The following SNED1 variants were observed in gnomAD, a reference collection of about 807,000 sequenced individuals.
The protein encoded by SNED1 is sushi, nidogen and EGF like domains 1.
A neutral mutation model predicts 166.7 loss-of-function variants in SNED1; 81 were observed. The observed-to-expected ratio is 0.49, with a 90% CI of 0.41 to 0.58. SNED1 has a LOEUF of 0.58. Among genes scored for constraint, SNED1 ranks in the 20% least tolerant of loss-of-function variants. SNED1 has a pLI of 0.00. For synonymous variants in SNED1, 762 were observed against 822.0 expected, an observed-to-expected ratio of 0.93 and a Z score of 1.25; for missense variants, 1,604 against 2,000.2, an observed-to-expected ratio of 0.80 and a Z score of 3.78.
intron 31 of SNED1, 106 bp downstream of exon 31, chr2:241,088,508 T>G: frequency 1.1e-6 from 1 of 928,366 alleles, no homozygotes; most frequent in Non-Finnish European, 1.8e-6. Flanking sequence ...TACTCAGCAC[T>G]GCTAAAGGAA....
chr2:241,019,423 C>T (rs2060702442), intron 1 of SNED1, among the ~76,000 whole-genome samples: 2 of 152,210 alleles, frequency 1.3e-5, no homozygotes, highest in Admixed American at 6.5e-5. Flanking sequence ...ATAGCCAGGG[C>T]AGGCTAATTG....
At chr2:241,046,575 C>T (rs762912509) in intron 8 of SNED1, among the ~76,000 whole-genome samples, 3 of 152,132 alleles carry the variant, frequency 2.0e-5, no homozygotes, top group Non-Finnish European at 2.9e-5. Flanking sequence ...TATGGTTCCA[C>T]TAAATGGCAT....
chr2:241,050,246 T>C lies in SNED1; in HGVS notation c.1735+313T>C, dbSNP rs537471274. 4.6e-5 allele frequency among the ~76,000 whole-genome samples: 7 copies of C among 152,348 alleles called. No individual in the cohort carries two copies. In the East Asian group the frequency reaches 1.3e-3, roughly 29 times the overall value. On this transcript the variant is annotated intron_variant, in intron 12 of 31. Coordinates refer to ENST00000310397, the MANE Select transcript of SNED1 (RefSeq NM_001080437.3). ...TCAAATTTTATTTTTAAAATTTCCA[T>C]AGGATTTTGCTCAATCTAATTCAGC...
rs1003381294 is a variant in SNED1 at position 241,054,902 on chromosome 2, A to G, written c.2257+1576A>G. Among the ~76,000 whole-genome samples the G allele has an allele frequency of 1.2e-4, 18 of 152,312 alleles. No homozygotes were observed. The Middle Eastern group carries it at 0.014, about 115-fold the overall frequency. On this transcript the variant is annotated intron_variant, in intron 16 of 31. Transcript: ENST00000310397. The stretch of plus-strand genomic sequence containing the variant: ...GAGGCCGAGGCAGGTGGATCACCTG[A>G]GGTCAGGAGTTCGAGACCAGCCTGG...
chr2:241,087,644 C>T, intron 30 of SNED1, 169 bp downstream of exon 30: 2 of 1,426,882 alleles, frequency 1.4e-6, no homozygotes, highest in Non-Finnish European at 1.8e-6. Flanking sequence ...ACTGTATGTC[C>T]ATATATGTGC....
In SNED1 at chr2:241,065,375, T is replaced by C; in HGVS notation, c.2790T>C (p.Asn930=). Residue 930 remains asparagine, a synonymous_variant, in exon 21 of 32, where the codon AAT becomes AAC. Transcript: ENST00000310397. ...SGVSISWNPP[N]GPAARQMLDG... ...TCTCTATCTCCTGGAACCCGCCCAA[T>C]GGTCCAGCCGCCAGGCAGATGCTTG... 1 of 1,613,058 alleles carries C rather than the reference T, an allele frequency of 6.2e-7. No individual in the cohort carries two copies. The highest frequency in any genetic ancestry group is 8.5e-7 in the Non-Finnish European group (1 of 1,179,850).
At chr2:241,004,497 A>G (rs1162905668) in intron 1 of SNED1, among the ~76,000 whole-genome samples, 1 of 151,900 alleles carries the variant, frequency 6.6e-6, no homozygotes, top group Non-Finnish European at 1.5e-5. Flanking sequence ...CATATTATCT[A>G]TACTATTGGC....
intron 29 of SNED1, chr2:241,087,007 T>A (rs962129268): frequency 3.5e-5 from 6 of 169,652 alleles, no homozygotes; most frequent in Non-Finnish European, 7.5e-5. Context: ...TCCTCAAACT[T>A]CTCTGTGAAA....
chr2:241,083,401 C>T (rs993423680), intron 29 of SNED1, among the ~76,000 whole-genome samples: 11 of 152,064 alleles, frequency 7.2e-5, no homozygotes, highest in Non-Finnish European at 1.2e-4. Context: ...TGGGGAGGAG[C>T]TACTGAAGGG....
intron 21 of SNED1, among the ~76,000 whole-genome samples, chr2:241,067,145 C>T (rs998247410): frequency 3.9e-5 from 6 of 152,188 alleles, no homozygotes; most frequent in Non-Finnish European, 8.8e-5. Context: ...AGAGTTGGGG[C>T]TCCAGCCAGC....
chr2:241,030,208 G>A (rs1024730722), intron 1 of SNED1, 76 bp from the exon 2 acceptor site: 10 of 1,391,918 alleles, frequency 7.2e-6, no homozygotes, highest in Admixed American at 4.5e-5. Context: ...TGGTGGCAGG[G>A]GCTGGGGAGG....
chr2:241,047,354 G>A (rs1025196862), intron 8 of SNED1, among the ~76,000 whole-genome samples: 3 of 152,062 alleles, frequency 2.0e-5, no homozygotes, highest in Non-Finnish European at 2.9e-5. Flanking sequence ...TTCACATGAA[G>A]CAAAAGCTGA....
intron 6 of SNED1, among the ~76,000 whole-genome samples, chr2:241,038,511 G>T (rs957583518): frequency 6.6e-6 from 1 of 152,278 alleles, no homozygotes; most frequent in Admixed American, 6.5e-5. Context: ...GGGCTTGCCA[G>T]TGTGTTTACA....
In SNED1 at chr2:241,064,086, G is replaced by A. The variant is rs1180375720; in HGVS notation, c.2560G>A (p.Val854Ile). 1.0e-5 allele frequency: 16 copies of A among 1,569,388 alleles called. No individual in the cohort carries two copies. The highest frequency in any genetic ancestry group is 1.9e-5 in the Admixed American group (1 of 53,868). The change falls in exon 19 of 32, where the codon GTC becomes ATC. Residue 854 changes from valine to isoleucine, a missense_variant. By Grantham distance (29) the Val-to-Ile change is conservative (BLOSUM62 3). Around this residue, in one of 2 missense-constraint regions of SNED1, gnomAD observed 1,237 missense variants for 1,620.8 expected, o/e 0.76. Coordinates refer to ENST00000310397, the MANE Select transcript of SNED1 (RefSeq NM_001080437.3). This position sits in a 1 kb window ranked among gnomAD's most constrained non-coding sequence, Gnocchi z 7.0. ...GAGCGGCGGCGGGGCCTACCTGTGC[G>A]TCTGCCCAGAGAGCTTCTTCGGCTA... is the stretch of plus-strand genomic sequence containing the variant. ...CESGGGAYLCVCPESFFGYHC... is the reference protein window; with the variant it reads ...CESGGGAYLCICPESFFGYHC...
chr2:241,071,473 T>C, intron 24 of SNED1, 103 bp from the exon 25 acceptor site: 1 of 1,381,328 alleles, frequency 7.2e-7, no homozygotes, highest in Non-Finnish European at 9.9e-7. Flanking sequence ...CCTTCCCTTC[T>C]CCAAGCACGG....
rs908152362 is a variant in SNED1, at chr2:241,073,846, T to A, written c.3916+482T>A. The stretch of plus-strand genomic sequence containing the variant: ...ATGCAGGACCTGAACTGTCTCCTAG[T>A]CCGGGGCTCTGCCTCGTGAGGATCG... On this transcript the variant is annotated intron_variant, in intron 27 of 31. Transcript: ENST00000310397. This position sits in a 1 kb window ranked among gnomAD's most constrained non-coding sequence, Gnocchi z 6.6. 2 of 197,586 alleles carry A rather than the reference T, an allele frequency of 1.0e-5. No individual in the cohort carries two copies. The highest frequency in any genetic ancestry group is 4.6e-5 in the African/African-American group (2 of 43,230). The allele number at this position is 197,586 out of a possible 1,614,324, so 12.2% of individuals were successfully genotyped here. A position where few individuals can be genotyped will look rare whatever the true frequency, so the allele number is the denominator to read the frequency against.
chr2:241,078,376 C>T (rs976002596), intron 27 of SNED1, among the ~76,000 whole-genome samples: 33 of 106,728 alleles, frequency 3.1e-4, no homozygotes, highest in African/African-American at 1.1e-3. Context: ...GAACTAGACT[C>T]CGTCTCAAAA....
chr2:241,066,926 C>T (rs1028341456), intron 21 of SNED1, among the ~76,000 whole-genome samples: 1 of 152,214 alleles, frequency 6.6e-6, no homozygotes, highest in Non-Finnish European at 1.5e-5. Flanking sequence ...GTTCCCAACA[C>T]AGCAAGGACA....
At chr2:241,089,009 C>G in intron 31 of SNED1, 1 of 313,540 alleles carries the variant, frequency 3.2e-6, no homozygotes, top group Non-Finnish European at 5.9e-6. Context: ...AACTTCCTCT[C>G]GCCTTTGTTT....
Sources: gnomAD v4.1 joint callset for allele counts (sites outside exome capture counted in the v4.1 genomes callset) on GRCh38, gnomAD v4.1.1 for gene constraint, gnomAD v4.1.1 regional missense constraint, Gnocchi (gnomAD v3.1) non-coding constraint, MANE v1.5 for transcripts, NCBI Gene and HGNC (gene_info 2026-07-23, HGNC 2026-07-21) for gene names.